The following SDK1 variants were observed in gnomAD, a reference collection of about 807,000 sequenced individuals.
SDK1 encodes protein sidekick-1.
SDK1 carries 157 observed loss-of-function variants against 245.5 expected under a neutral mutation model. The observed-to-expected ratio is 0.64, with a 90% CI of 0.56 to 0.73. SDK1 has a LOEUF of 0.73. Ranked by LOEUF, SDK1 falls within the 30% of genes least tolerant of loss-of-function variation. SDK1 has a pLI of 0.00. For missense variants in SDK1, 3,583 were observed against 3,002.3 expected, an observed-to-expected ratio of 1.19 and a Z score of -4.52; for synonymous variants, 1,647 against 1,278.5, an observed-to-expected ratio of 1.29 and a Z score of -6.15.
At chr7:3,680,633 A>G (rs751554487) in intron 4 of SDK1, among the ~76,000 whole-genome samples, 4 of 152,174 alleles carry the variant, frequency 2.6e-5, no homozygotes, top group Non-Finnish European at 5.9e-5. Flanking sequence ...ATGAATTATT[A>G]TTTAAAATCT....
intron 1 of SDK1, among the ~76,000 whole-genome samples, chr7:3,325,014 C>G (rs1193188327): frequency 1.3e-5 from 2 of 152,088 alleles, no homozygotes; most frequent in Admixed American, 1.3e-4. Context: ...GGTGGAGCAG[C>G]TATTAGTTAT....
chr7:3,536,222 A>AAT (rs2128619238), intron 1 of SDK1, among the ~76,000 whole-genome samples: 1 of 137,976 alleles, frequency 7.2e-6, no homozygotes, highest in East Asian at 2.3e-4. Context: ...ACACCCAGCT[A>AAT]ATTTTTTTTT....
At position 4,129,901 on chromosome 7, in the gene SDK1, A is replaced by C. The variant is rs1325626433; in HGVS notation, c.3940-7A>C. 6.2e-7 allele frequency: 1 copy of C among 1,613,256 alleles called. No homozygotes were observed. The highest frequency in any genetic ancestry group is 1.3e-5 in the African/African-American group (1 of 74,930). ...CTGATAACCCTCGTGCTGTGTCGAT[A>C]CCACAGATCCTGTTCCGGGCCAAAG... On this transcript the variant is annotated splice_polypyrimidine_tract_variant and splice_region_variant and intron_variant, in intron 26 of 44. Transcript: ENST00000404826.
intron 17 of SDK1, among the ~76,000 whole-genome samples, chr7:4,038,623 C>T (rs1042590563): frequency 6.6e-6 from 1 of 152,232 alleles, no homozygotes; most frequent in African/African-American, 2.4e-5. Context: ...TGGTCCCAAA[C>T]ATGTTGCTGA....
chr7:4,180,036 G>A (rs759914389), intron 35 of SDK1, among the ~76,000 whole-genome samples: 1 of 152,076 alleles, frequency 6.6e-6, no homozygotes, highest in Non-Finnish European at 1.5e-5. Flanking sequence ...CTGAGACCGA[G>A]GCAGACGTCC....
chr7:4,029,410 C>G (rs535205129), intron 17 of SDK1, among the ~76,000 whole-genome samples: 1 of 152,050 alleles, frequency 6.6e-6, no homozygotes, highest in South Asian at 2.1e-4. Context: ...AGGATTTCAC[C>G]ATGTTGGGCA....
intron 38 of SDK1, among the ~76,000 whole-genome samples, chr7:4,218,865 T>TCCAG (rs1364522812): frequency 6.6e-6 from 1 of 151,902 alleles, no homozygotes; most frequent in Non-Finnish European, 1.5e-5. Flanking sequence ...TTCTGAGAAG[T>TCCAG]CCAGCAGTTG....
chr7:4,139,166 C>T (rs967040249), intron 28 of SDK1, among the ~76,000 whole-genome samples: 4 of 139,724 alleles, frequency 2.9e-5, no homozygotes, highest in Admixed American at 7.4e-5. Context: ...GCTTCTTCTC[C>T]GTGTCACTTC....
intron 19 of SDK1, among the ~76,000 whole-genome samples, chr7:4,066,889 T>C (rs139896544): frequency 6.6e-6 from 1 of 152,176 alleles, no homozygotes; most frequent in South Asian, 2.1e-4. Context: ...TTTGCTTTGC[T>C]GAGCTGCACC....
intron 5 of SDK1, among the ~76,000 whole-genome samples, chr7:3,845,258 C>G (rs553146237): frequency 6.6e-6 from 1 of 152,068 alleles, no homozygotes; most frequent in African/African-American, 2.4e-5. Flanking sequence ...TTGAGAAGCC[C>G]AGGTGGGTGG....
chr7:3,540,096 C>T (rs1036346012), intron 1 of SDK1, among the ~76,000 whole-genome samples: 24 of 152,162 alleles, frequency 1.6e-4, no homozygotes, highest in Non-Finnish European at 2.1e-4. Context: ...TTCTCATTGT[C>T]CTCTCTGGTA....
At chr7:3,745,869 T>G (rs1206318948) in intron 4 of SDK1, among the ~76,000 whole-genome samples, 1 of 152,206 alleles carries the variant, frequency 6.6e-6, no homozygotes, top group Non-Finnish European at 1.5e-5. Flanking sequence ...TTGAAACTAT[T>G]AATTTGAGAT....
intron 4 of SDK1, among the ~76,000 whole-genome samples, chr7:3,696,461 C>A (rs1208068471): frequency 5.9e-5 from 9 of 152,094 alleles, no homozygotes; most frequent in Admixed American, 5.2e-4. Flanking sequence ...ATGAAAACTC[C>A]TCCCTCACTA....
intron 1 of SDK1, among the ~76,000 whole-genome samples, chr7:3,334,726 C>G (rs930317573): frequency 6.6e-5 from 10 of 152,192 alleles, no homozygotes; most frequent in Non-Finnish European, 1.2e-4. Context: ...AGTCCTTATT[C>G]TGTTCTTGAC....
chr7:3,823,337 A>C (rs1041088450), intron 5 of SDK1, among the ~76,000 whole-genome samples: 4 of 152,226 alleles, frequency 2.6e-5, no homozygotes, highest in African/African-American at 9.6e-5. Context: ...TATAACTACC[A>C]GGATAATAAT....
chr7:3,331,468 C>T (rs1780067457), intron 1 of SDK1, among the ~76,000 whole-genome samples: 1 of 152,108 alleles, frequency 6.6e-6, no homozygotes, highest in African/African-American at 2.4e-5. Flanking sequence ...ATATCAGATC[C>T]TTTGCCCGTT....
intron 5 of SDK1, among the ~76,000 whole-genome samples, chr7:3,926,559 G>A (rs565343688): frequency 4.6e-5 from 7 of 152,104 alleles, no homozygotes; most frequent in South Asian, 4.2e-4. Context: ...TTCTTTGGGC[G>A]CAGGTGATCC....
chr7:3,925,402 G>A (rs926853121), intron 5 of SDK1, among the ~76,000 whole-genome samples: 5 of 152,216 alleles, frequency 3.3e-5, no homozygotes, highest in Admixed American at 1.3e-4. Flanking sequence ...AGTCAGTGAC[G>A]CATGCTTGGG....
intron 22 of SDK1, among the ~76,000 whole-genome samples, chr7:4,090,303 A>G (rs1781702988): frequency 6.6e-6 from 1 of 152,128 alleles, no homozygotes; most frequent in Non-Finnish European, 1.5e-5. Context: ...ATCCATTAAT[A>G]TTTCTTGCTG....
Sources: allele counts gnomAD v4.1 joint callset (sites outside exome capture counted in the v4.1 genomes callset), GRCh38; gene constraint gnomAD v4.1.1; transcripts MANE v1.5; gene names NCBI Gene and HGNC (gene_info 2026-07-23, HGNC 2026-07-21).